The following FAM161B variants were observed in gnomAD, a reference collection of about 807,000 sequenced individuals.
The protein encoded by FAM161B is FAM161 centrosomal protein B.
Under a neutral mutation model 61.5 loss-of-function variants are expected in FAM161B, and 46 were observed. The observed-to-expected ratio is 0.75, with a 90% CI of 0.59 to 0.96. The LOEUF (loss-of-function observed/expected upper bound fraction) is 0.96, where lower values mean the gene tolerates loss of function less well. Ranked by LOEUF, FAM161B falls within the 40% of genes least tolerant of loss-of-function variation. The pLI is 0.00. For synonymous variants in FAM161B, 284 were observed against 302.7 expected (o/e 0.94, Z 0.64); for missense variants, 774 against 800.7 (o/e 0.97, Z 0.40).
intron 3 of FAM161B, 26 bp from the exon 4 acceptor site, chr14:73,942,741 A>T: frequency 6.3e-7 from 1 of 1,594,634 alleles, no homozygotes; most frequent in Non-Finnish European, 8.6e-7. Context: ...GGTGATGGGT[A>T]AGAAAGGACC....
chr14:73,946,152 T>C, intron 2 of FAM161B, 134 bp downstream of exon 2: 1 of 898,240 alleles, frequency 1.1e-6, no homozygotes, highest in Non-Finnish European at 1.7e-6. Flanking sequence ...AAAAGCTGAT[T>C]CTCAGCTAGA....
Position 73,946,298 on chromosome 14 carries a change from G to A in FAM161B, c.362C>T (p.Pro121Leu), listed in dbSNP as rs141443228. The change falls in exon 2 of 9, where the codon CCG (proline) becomes CTG (leucine). Residue 121 changes from proline to leucine, a missense_variant. Physicochemically the swap from Pro to Leu is moderately conservative, Grantham distance 98. Transcript: ENST00000286544. ...TGCAGTGCCTTACCTCAGAGCCTGCGGGCACTGGACCTGCACCATCCCCCT... is the reference window on the plus strand; with the variant it reads ...TGCAGTGCCTTACCTCAGAGCCTGCAGGCACTGGACCTGCACCATCCCCCT... Reference protein sequence around the residue: ...KDRGMVQVQCPQALRCGSTRR... With the variant: ...KDRGMVQVQCLQALRCGSTRR... 9.9e-6 allele frequency: 16 copies of A among 1,612,532 alleles called. No individual in the cohort carries two copies. Among genetic ancestry groups the A allele is most frequent in the African/African-American group, 6.7e-5 (5 of 74,868 alleles).
intron 6 of FAM161B, 74 bp from the exon 7 acceptor site, chr14:73,937,775 G>C: frequency 6.4e-7 from 1 of 1,569,710 alleles, no homozygotes; most frequent in Non-Finnish European, 8.7e-7. Flanking sequence ...CAGTAAAGCA[G>C]TGTAACTCTC....
At chr14:73,939,939 T>C (rs1022307807) in intron 5 of FAM161B, among the ~76,000 whole-genome samples, 2 of 152,246 alleles carry the variant, frequency 1.3e-5, no homozygotes, top group African/African-American at 4.8e-5. Context: ...TCAGGAGGCC[T>C]GTGTTCTTGG....
intron 1 of FAM161B, among the ~76,000 whole-genome samples, chr14:73,948,632 A>G (rs1245416877): frequency 6.6e-6 from 1 of 152,228 alleles, no homozygotes; most frequent in Admixed American, 6.5e-5. Flanking sequence ...TCACTCATTT[A>G]AAGTGTACAA....
chr14:73,930,980 G>C (rs1320332402), downstream of FAM161B, among the ~76,000 whole-genome samples: 2 of 152,166 alleles, frequency 1.3e-5, no homozygotes, highest in African/African-American at 4.8e-5. Flanking sequence ...GTATAGAGTA[G>C]AATGTTAGTG....
At chr14:73,947,537 G>A (rs1594779523) in intron 1 of FAM161B, among the ~76,000 whole-genome samples, 1 of 152,092 alleles carries the variant, frequency 6.6e-6, no homozygotes, top group African/African-American at 2.4e-5. Flanking sequence ...GATGTGCACT[G>A]GGCATTTGGC....
intron 6 of FAM161B, 81 bp downstream of exon 6, chr14:73,937,865 CTA>C: frequency 6.3e-7 from 1 of 1,588,744 alleles, no homozygotes; most frequent in Non-Finnish European, 8.6e-7. Context: ...CTCGATAACT[CTA>C]TTTTGCATTT....
At chr14:73,947,925 AT>A (rs60171220) in intron 1 of FAM161B, among the ~76,000 whole-genome samples, 62,280 of 149,524 alleles carry the variant, frequency 0.42, 13,482 homozygotes, top group South Asian at 0.5. Context: ...TGACTGAGCA[AT>A]TTTTTTTTTT....
At chr14:73,922,851 G>A in the FAM161B span, 1 of 152,210 alleles carries the variant, frequency 6.6e-6, no homozygotes, top group Admixed American at 6.5e-5. Context: ...TAGTATATAA[G>A]CCAACATTAA....
intron 7 of FAM161B, among the ~76,000 whole-genome samples, chr14:73,936,934 T>TA (rs1397642532): frequency 6.6e-6 from 1 of 152,148 alleles, no homozygotes; most frequent in Admixed American, 6.5e-5. Context: ...CTTACATCCT[T>TA]ACGGAGATCT....
intron 6 of FAM161B, 85 bp from the exon 7 acceptor site, chr14:73,937,786 G>T: frequency 6.5e-7 from 1 of 1,528,354 alleles, no homozygotes; most frequent in Non-Finnish European, 9.0e-7. Context: ...TGTAACTCTC[G>T]TGTACACTGT....
chr14:73,942,148 A>G (rs1477553551), intron 4 of FAM161B, among the ~76,000 whole-genome samples: 1 of 151,780 alleles, frequency 6.6e-6, no homozygotes, highest in Non-Finnish European at 1.5e-5. Flanking sequence ...ACACCACCAC[A>G]TGTGGCAAAT....
chr14:73,941,874 T>C (rs1024667717), intron 4 of FAM161B, among the ~76,000 whole-genome samples: 4 of 152,066 alleles, frequency 2.6e-5, no homozygotes, highest in African/African-American at 9.7e-5. Flanking sequence ...CCCAGCTAAT[T>C]TTTGTATTTT....
downstream of FAM161B, among the ~76,000 whole-genome samples, chr14:73,929,347 C>T: frequency 6.6e-6 from 1 of 152,094 alleles, no homozygotes; most frequent in East Asian, 1.9e-4. Flanking sequence ...GCTATTTCTC[C>T]AGTGAGTGAG....
Position 73,933,193 on chromosome 14 carries a change from A to C in FAM161B, c.*1063T>G, listed in dbSNP as rs142566901. On this transcript the variant is annotated 3_prime_UTR_variant, in exon 9 of 9. Coordinates refer to ENST00000286544, the MANE Select transcript of FAM161B (RefSeq NM_152445.3). ...CAGTTTTTGCTTCATGCAGCCATTT[A>C]TATTAGAGCAGTGGTTCTCAGCCAG... is the stretch of plus-strand genomic sequence containing the variant. The C allele has an allele frequency of 6.6e-6, 1 of 152,334 alleles. No homozygotes were observed. Among genetic ancestry groups the C allele is most frequent in the East Asian group, 1.9e-4 (1 of 5,190 alleles). The allele number at this position is 152,334 out of a possible 1,614,324, so 9.4% of individuals were successfully genotyped here.
chr14:73,931,879 T>G, downstream of FAM161B: 1 of 446,394 alleles, frequency 2.2e-6, no homozygotes, highest in African/African-American at 2.0e-5. Flanking sequence ...GGTTTTCCTT[T>G]GAAGAGTTTT....
chr14:73,949,381 G>A (rs904968710), intron 1 of FAM161B, among the ~76,000 whole-genome samples: 2 of 151,698 alleles, frequency 1.3e-5, no homozygotes, highest in Non-Finnish European at 2.9e-5. Context: ...CACCGCACCC[G>A]GCCAATTTTT....
At position 73,932,427 on chromosome 14, in the gene FAM161B, C is replaced by T. The variant is rs1566671175; in HGVS notation, c.*1829G>A. 2.2e-6 allele frequency: 1 copy of T among 453,228 alleles called. No homozygotes were observed. The highest frequency in any genetic ancestry group is 4.4e-6 in the Non-Finnish European group (1 of 226,204). 28.1% of individuals were successfully genotyped at this position (453,228 alleles called of 1,614,324 possible). On this transcript the variant is annotated 3_prime_UTR_variant, in exon 9 of 9. Coordinates refer to ENST00000286544, the MANE Select transcript of FAM161B (RefSeq NM_152445.3). ...TCTTAGGAAACAACAAGAACATCTT[C>T]ATTTCTTAAGCCCAGGTGATAGTTA...
Sources: allele counts gnomAD v4.1 joint callset (sites outside exome capture counted in the v4.1 genomes callset), GRCh38; gene constraint gnomAD v4.1.1; transcripts MANE v1.5; gene names NCBI Gene and HGNC (gene_info 2026-07-23, HGNC 2026-07-21).